The following SH3GL3 variants were observed in gnomAD, a reference collection of about 807,000 sequenced individuals.
The protein encoded by SH3GL3 is endophilin-A3.
In SH3GL3, 33 loss-of-function variants were observed where a neutral mutation model predicts 47.7. The ratio of observed to expected loss-of-function variants is 0.69; its 90% CI spans 0.52 to 0.92. The LOEUF is 0.92. SH3GL3 is among the 40% of genes least tolerant of loss of function. The probability of loss-of-function intolerance (pLI) is 0.00; values close to 1 mark genes in which losing one functional copy is unlikely to be tolerated. For synonymous variants in SH3GL3, 155 were observed against 148.8 expected (o/e 1.04, Z -0.30); for missense variants, 363 against 417.8 (o/e 0.87, Z 1.14).
At chr15:83,536,405 C>CTTTTG (rs1555491015) in intron 1 of SH3GL3, among the ~76,000 whole-genome samples, 1 of 113,682 alleles carries the variant, frequency 8.8e-6, no homozygotes, top group Non-Finnish European at 2.1e-5. Context: ...CTTTTCTTTT[C>CTTTTG]TTTTTTTTTT....
intron 7 of SH3GL3, 109 bp from the exon 8 acceptor site, chr15:83,588,553 T>G (rs2060009678): frequency 1.4e-6 from 1 of 703,676 alleles, no homozygotes; most frequent in Non-Finnish European, 2.6e-6. Flanking sequence ...GTCCCTTTCA[T>G]GACCACTGGC....
At chr15:83,566,184 G>T (rs1455609694) in intron 3 of SH3GL3, among the ~76,000 whole-genome samples, 1 of 152,102 alleles carries the variant, frequency 6.6e-6, no homozygotes, top group Non-Finnish European at 1.5e-5. Context: ...TCTTGAATGG[G>T]ATAAGGAAGT....
At chr15:83,539,804 G>A (rs1484608108) in intron 1 of SH3GL3, among the ~76,000 whole-genome samples, 1 of 152,044 alleles carries the variant, frequency 6.6e-6, no homozygotes, top group African/African-American at 2.4e-5. Context: ...ATGTTATCTT[G>A]TAGATATCAT....
chr15:83,571,982 G>A (rs138821184), intron 4 of SH3GL3, among the ~76,000 whole-genome samples: 3 of 152,216 alleles, frequency 2.0e-5, no homozygotes, highest in East Asian at 3.9e-4. Flanking sequence ...GGGCTCCAAC[G>A]CACCAGCAGA....
intron 6 of SH3GL3, among the ~76,000 whole-genome samples, chr15:83,581,812 G>A (rs1567010034): frequency 6.6e-6 from 1 of 152,230 alleles, no homozygotes; most frequent in South Asian, 2.1e-4. Context: ...GCCCCACACT[G>A]TAGCCTTTGG....
At chr15:83,510,303 GGAAGA>G (rs1416069081) in intron 1 of SH3GL3, among the ~76,000 whole-genome samples, 2 of 152,132 alleles carry the variant, frequency 1.3e-5, no homozygotes, top group Non-Finnish European at 2.9e-5. Context: ...CTTTGTTCAT[GGAAGA>G]GAAAAGTGCC....
chr15:83,481,224 G>A lies in SH3GL3; in HGVS notation c.45+33646G>A, dbSNP rs192166812. Among the ~76,000 whole-genome samples, 17 of 149,374 alleles carry A rather than the reference G, an allele frequency of 1.1e-4. No homozygotes were observed. In the East Asian group the frequency reaches 3.0e-3, roughly 26 times the overall value. On this transcript the variant is annotated intron_variant, in intron 1 of 8. Coordinates refer to ENST00000427482, the MANE Select transcript of SH3GL3 (RefSeq NM_003027.5). ...CGGGAGGCGGAGGTTTCTGTGAGCC[G>A]AGATCCTGCCACTGCACTCCAGCCT... is the stretch of plus-strand genomic sequence containing the variant.
At chr15:83,450,880 G>C (rs1303773446) in intron 1 of SH3GL3, among the ~76,000 whole-genome samples, 1 of 112,792 alleles carries the variant, frequency 8.9e-6, no homozygotes, top group East Asian at 2.8e-4. Flanking sequence ...ATGTATACAT[G>C]TGCCATGCTG....
intron 1 of SH3GL3, among the ~76,000 whole-genome samples, chr15:83,538,592 C>G (rs550257778): frequency 1.3e-5 from 2 of 152,222 alleles, no homozygotes; most frequent in South Asian, 4.2e-4. Flanking sequence ...TGGAATAATG[C>G]AGTATGTTCT....
chr15:83,629,003 T>C, the SH3GL3 span, among the ~76,000 whole-genome samples: 1 of 152,156 alleles, frequency 6.6e-6, no homozygotes, highest in South Asian at 2.1e-4. Context: ...CCATTTACAA[T>C]GCCTTCAGAA....
intron 1 of SH3GL3, among the ~76,000 whole-genome samples, chr15:83,557,964 TA>T (rs2151738343): frequency 6.6e-6 from 1 of 152,242 alleles, no homozygotes; most frequent in African/African-American, 2.4e-5. Context: ...CGAATTTAAG[TA>T]AAATACTATC....
chr15:83,486,994 C>G (rs1431365131), intron 1 of SH3GL3, among the ~76,000 whole-genome samples: 1 of 152,168 alleles, frequency 6.6e-6, no homozygotes, highest in Non-Finnish European at 1.5e-5. Context: ...ACCTGATAAC[C>G]TCCCCAAAGC....
intron 1 of SH3GL3, among the ~76,000 whole-genome samples, chr15:83,460,885 C>T (rs573870433): frequency 2.0e-5 from 3 of 152,146 alleles, no homozygotes; most frequent in East Asian, 1.9e-4. Context: ...GAGATCGAGA[C>T]CAGCCAGACC....
chr15:83,591,771 C>T (rs1045516591), intron 8 of SH3GL3, among the ~76,000 whole-genome samples: 4 of 152,132 alleles, frequency 2.6e-5, no homozygotes, highest in Non-Finnish European at 2.9e-5. Context: ...CTGCAAGCTC[C>T]GCCTCCTGGG....
At chr15:83,538,316 A>C (rs2044013345) in intron 1 of SH3GL3, among the ~76,000 whole-genome samples, 2 of 152,238 alleles carry the variant, frequency 1.3e-5, no homozygotes, top group Admixed American at 6.5e-5. Flanking sequence ...ATCAATGTAA[A>C]TATTAAACAC....
At chr15:83,474,692 G>A (rs1400838289) in intron 1 of SH3GL3, among the ~76,000 whole-genome samples, 1 of 152,164 alleles carries the variant, frequency 6.6e-6, no homozygotes, top group Non-Finnish European at 1.5e-5. Flanking sequence ...CTTTTTGTCT[G>A]AGGATGTTCC....
chr15:83,537,597 T>C (rs115833277), intron 1 of SH3GL3, among the ~76,000 whole-genome samples: 3,856 of 151,318 alleles, frequency 0.025, 155 homozygotes, highest in African/African-American at 0.085. Flanking sequence ...AGGGGCTCTG[T>C]TGATCCTTAT....
chr15:83,484,085 C>T (rs555054892), intron 1 of SH3GL3, among the ~76,000 whole-genome samples: 30 of 152,216 alleles, frequency 2.0e-4, no homozygotes, highest in Non-Finnish European at 3.4e-4. Context: ...GGCTCCACTA[C>T]TGATTGTATC....
At chr15:83,532,416 A>G (rs17841193) in intron 1 of SH3GL3, among the ~76,000 whole-genome samples, 23,750 of 152,160 alleles carry the variant, frequency 0.16, 2,099 homozygotes, top group East Asian at 0.34. Flanking sequence ...TATAAAGGTA[A>G]TTGAGAAGTG....
Sources: allele counts gnomAD v4.1 joint callset (sites outside exome capture counted in the v4.1 genomes callset), GRCh38; gene constraint gnomAD v4.1.1; transcripts MANE v1.5; gene names NCBI Gene and HGNC (gene_info 2026-07-23, HGNC 2026-07-21).